Variants in SPTB observed in about 807,000 individuals in gnomAD.
SPTB encodes spectrin beta chain, erythrocytic.
In SPTB, 45 loss-of-function variants were observed where a neutral mutation model predicts 256.2. The ratio of observed to expected loss-of-function variants is 0.18; its 90% confidence interval spans 0.14 to 0.23. The LOEUF is 0.23. Among genes scored for constraint, SPTB ranks in the 10% least tolerant of loss-of-function variants. The pLI is 1.00. For synonymous variants in SPTB, 1,231 were observed against 1,243.1 expected (o/e 0.99, Z 0.21); for missense variants, 2,715 against 3,040.4 (o/e 0.89, Z 2.52).
chr14:64,782,128 G>A (rs768364360), intron 20 of SPTB, among the ~76,000 whole-genome samples, 162 bp downstream of exon 20: 4 of 152,112 alleles, frequency 2.6e-5, no homozygotes, highest in Non-Finnish European at 4.4e-5. Flanking sequence ...TTAAAACCTG[G>A]GTGATGTAAT....
At chr14:64,837,729 G>A (rs939399236) in intron 1 of SPTB, among the ~76,000 whole-genome samples, 3 of 152,256 alleles carry the variant, frequency 2.0e-5, no homozygotes, top group East Asian at 3.9e-4. Context: ...AGGCTCCCAA[G>A]TAGCAGAATT....
chr14:64,821,996 A>G (rs937438418), intron 2 of SPTB, among the ~76,000 whole-genome samples: 10 of 151,968 alleles, frequency 6.6e-5, no homozygotes, highest in South Asian at 2.1e-4. Flanking sequence ...GCCATAAGGT[A>G]TGGGGGCAGC....
Position 64,773,203 on chromosome 14 carries a change from G to A in SPTB, c.5178+17C>T. The A allele has an allele frequency of 1.2e-6, 2 of 1,614,136 alleles. No individual in the cohort carries two copies. The highest frequency in any genetic ancestry group is 8.5e-7 in the Non-Finnish European group (1 of 1,179,986). Reference sequence around the variant, plus strand: ...CATTAGAGAAAGACAAAAACAGCAGGAGTTGTGGCTACTCACAGTCACGTG... The same window carrying A: ...CATTAGAGAAAGACAAAAACAGCAGAAGTTGTGGCTACTCACAGTCACGTG... On this transcript the variant is annotated intron_variant, in intron 25 of 35. Transcript: ENST00000644917.
chr14:64,804,915 C>G (rs2277504), intron 3 of SPTB, 24 bp downstream of exon 3: 13 of 1,613,392 alleles, frequency 8.1e-6, no homozygotes, highest in Non-Finnish European at 1.0e-5. Flanking sequence ...GCAGCAGCCC[C>G]GGGGCCCACA....
At chr14:64,835,067 AAGTTGCTT>A (rs2083502593) in intron 1 of SPTB, among the ~76,000 whole-genome samples, 2 of 152,318 alleles carry the variant, frequency 1.3e-5, no homozygotes, top group South Asian at 4.1e-4. Context: ...CATCTTTTAA[AAGTTGCTT>A]GGGCCCACAA....
At position 64,787,008 on chromosome 14, in the gene SPTB, T is replaced by G; in HGVS notation, c.2957A>C (p.Asp986Ala). ...CTGGATGGCGATGATACCTGCCAGGTCCCGCCCCAGGTCTTTTGTGGACTC... is the reference window on the plus strand; with the variant it reads ...CTGGATGGCGATGATACCTGCCAGGGCCCGCCCCAGGTCTTTTGTGGACTC... ...VVESTKDLGR[D>A]LAGIIAIQRK... Residue 986 changes from aspartate (D) to alanine (A), a missense_variant, in exon 16 of 36, where the codon GAC becomes GCC. Physicochemically the swap from Asp to Ala is moderately radical, Grantham distance 126 (BLOSUM62 -2). Transcript: ENST00000644917. 1 of 1,614,096 alleles carries G rather than the reference T, an allele frequency of 6.2e-7. No homozygotes were observed. The highest frequency in any genetic ancestry group is 1.1e-5 in the South Asian group (1 of 91,076).
intron 1 of SPTB, among the ~76,000 whole-genome samples, chr14:64,836,953 G>C (rs1052409430): frequency 1.3e-5 from 2 of 152,166 alleles, no homozygotes; most frequent in African/African-American, 2.4e-5. Flanking sequence ...CAGGCCAATG[G>C]GTGAGAAACG....
intron 1 of SPTB, among the ~76,000 whole-genome samples, chr14:64,879,516 CG>C (rs1406305251): frequency 2.0e-5 from 3 of 152,208 alleles, no homozygotes; most frequent in Admixed American, 2.0e-4. Flanking sequence ...ACGGACTCTC[CG>C]GGATCCCGCT....
At position 64,793,571 on chromosome 14, in the gene SPTB, G is replaced by C. The variant is rs2082714521; in HGVS notation, c.2092C>G (p.Gln698Glu). 4 of 1,614,044 alleles carry C rather than the reference G, an allele frequency of 2.5e-6. No individual in the cohort carries two copies. Among genetic ancestry groups the C allele is most frequent in the Non-Finnish European group, 3.4e-6 (4 of 1,180,048 alleles). ...CGCGCAACCATGCCATGAGCCTCCT[G>C]GAAGATCTGCTCCAGGTGAGCATCC... ...GLDAHLEQIFQEAHGMVARKQ... is the reference protein window; with the variant it reads ...GLDAHLEQIFEEAHGMVARKQ... Residue 698 changes from glutamine to glutamate, a missense_variant, in exon 14 of 36, where the codon CAG (glutamine) becomes GAG (glutamate). Around this residue, in one of 4 missense-constraint regions of SPTB, gnomAD observed 2,239 missense variants for 2,384.4 expected, o/e 0.94. Coordinates refer to ENST00000644917, the MANE Select transcript of SPTB (RefSeq NM_001355436.2). The surrounding 1 kb of genome is among the most constrained non-coding windows in gnomAD (Gnocchi z 7.0).
At chr14:64,815,303 G>A (rs1237437946) in intron 2 of SPTB, among the ~76,000 whole-genome samples, 2 of 151,528 alleles carry the variant, frequency 1.3e-5, no homozygotes, top group African/African-American at 4.9e-5. Flanking sequence ...CATGAAGCGC[G>A]AAGGAGCATG....
chr14:64,821,575 TGAC>T (rs57618100), intron 2 of SPTB, among the ~76,000 whole-genome samples: 21,401 of 152,112 alleles, frequency 0.14, 1,756 homozygotes, highest in South Asian at 0.22. Context: ...AAAACCAGAC[TGAC>T]GACAAAGCCA....
rs982893305 is a variant in SPTB at position 64,844,006 on chromosome 14, A to G, written c.-51-20861T>C. Among the ~76,000 whole-genome samples the G allele has an allele frequency of 3.9e-5, 6 of 152,136 alleles. No individual in the cohort carries two copies. The highest frequency in any genetic ancestry group is 7.4e-5 in the Non-Finnish European group (5 of 68,018). ...CAGCCACCCTAATGTGTTTTATCAA[A>G]TTGTTTTTAATTATAAAAGTGACAT... is the stretch of plus-strand genomic sequence containing the variant. On this transcript the variant is annotated intron_variant, in intron 1 of 35. Transcript: ENST00000644917. This position sits in a 1 kb window ranked among gnomAD's most constrained non-coding sequence, Gnocchi z 4.1.
intron 1 of SPTB, among the ~76,000 whole-genome samples, chr14:64,829,307 T>G (rs1444017712): frequency 6.6e-6 from 1 of 152,144 alleles, no homozygotes; most frequent in Non-Finnish European, 1.5e-5. Flanking sequence ...TTCAACAAGT[T>G]AGAGGCTTTA....
At chr14:64,861,469 A>G (rs765709310) in intron 1 of SPTB, among the ~76,000 whole-genome samples, 21 of 152,162 alleles carry the variant, frequency 1.4e-4, no homozygotes, top group Non-Finnish European at 2.6e-4. Flanking sequence ...GATACTGTGC[A>G]TCTACAGCAG....
At chr14:64,839,188 A>T (rs1336751758) in intron 1 of SPTB, among the ~76,000 whole-genome samples, 1 of 152,208 alleles carries the variant, frequency 6.6e-6, no homozygotes, top group Non-Finnish European at 1.5e-5. Flanking sequence ...CTGACTAAAA[A>T]TTGGAAACAA....
intron 1 of SPTB, among the ~76,000 whole-genome samples, chr14:64,858,989 T>C (rs557150103): frequency 1.3e-5 from 2 of 152,216 alleles, no homozygotes; most frequent in Non-Finnish European, 2.9e-5. Flanking sequence ...CCAGGTGCAA[T>C]GGCTTACACC....
At chr14:64,813,475 G>A (rs988141707) in intron 2 of SPTB, among the ~76,000 whole-genome samples, 14 of 152,144 alleles carry the variant, frequency 9.2e-5, no homozygotes, top group Non-Finnish European at 5.9e-5. Flanking sequence ...GAAGCCAAGA[G>A]CTTGGGGAAC....
chr14:64,845,239 C>G lies in SPTB; in HGVS notation c.-51-22094G>C, dbSNP rs1489498895. 6.6e-6 allele frequency among the ~76,000 whole-genome samples: 1 copy of G among 152,172 alleles called. No individual in the cohort carries two copies. Among genetic ancestry groups the G allele is most frequent in the Non-Finnish European group, 1.5e-5 (1 of 68,020 alleles). On this transcript the variant is annotated intron_variant, in intron 1 of 35. Transcript: ENST00000644917. The surrounding 1 kb of genome is among the most constrained non-coding windows in gnomAD (Gnocchi z 4.8). ...TGTGGACATCCTTATCAGAAAATAG[C>G]CACTTAGCAAGTTTTTTCCTTTGAA...
At chr14:64,850,580 C>G (rs1378774440) in intron 1 of SPTB, among the ~76,000 whole-genome samples, 1 of 152,218 alleles carries the variant, frequency 6.6e-6, no homozygotes, top group Non-Finnish European at 1.5e-5. Context: ...GGCTAAGGCA[C>G]GAGTCCCCTG....
Sources: gnomAD v4.1 joint callset for allele counts (sites outside exome capture counted in the v4.1 genomes callset) on GRCh38, gnomAD v4.1.1 for gene constraint, gnomAD v4.1.1 regional missense constraint, Gnocchi (gnomAD v3.1) non-coding constraint, MANE v1.5 for transcripts, NCBI Gene and HGNC (gene_info 2026-07-23, HGNC 2026-07-21) for gene names.